The following MED24 variants were observed in gnomAD, a reference collection of about 807,000 sequenced individuals.
MED24 encodes mediator complex subunit 24, also known as mediator of RNA polymerase II transcription subunit 24.
MED24 carries 74 observed loss-of-function variants against 118.8 expected under a neutral mutation model. The ratio of observed to expected loss-of-function variants is 0.62; its 90% CI spans 0.52 to 0.76. The LOEUF is 0.76. Ranked by LOEUF, MED24 falls within the 30% of genes least tolerant of loss-of-function variation. MED24 has a pLI of 0.00. For missense variants in MED24, 1,041 were observed against 1,278.9 expected, an observed-to-expected ratio of 0.81 and a Z score of 2.84; for synonymous variants, 521 against 523.9, an observed-to-expected ratio of 0.99 and a Z score of 0.08.
At chr17:40,029,617 C>T (rs1337417246) in intron 13 of MED24, 131 bp downstream of exon 13, 9 of 835,260 alleles carry the variant, frequency 1.1e-5, no homozygotes, top group African/African-American at 3.4e-5. Context: ...CCTTTCACTA[C>T]CTCCAAAGCA....
At chr17:40,052,359 G>C (rs1985949249) in intron 3 of MED24, among the ~76,000 whole-genome samples, 1 of 152,174 alleles carries the variant, frequency 6.6e-6, no homozygotes, top group East Asian at 1.9e-4. Flanking sequence ...CTTATGAGTG[G>C]TATATCAGCA....
intron 3 of MED24, among the ~76,000 whole-genome samples, chr17:40,040,992 C>T (rs1212938992): frequency 6.6e-6 from 1 of 151,922 alleles, no homozygotes; most frequent in Non-Finnish European, 1.5e-5. Context: ...AAGTGATCCT[C>T]CTACCTCGGC....
At position 40,035,138 on chromosome 17, in the gene MED24, T is replaced by C. The variant is rs144621344; in HGVS notation, c.538A>G (p.Ile180Val). The change falls in exon 6 of 26, where the codon ATC becomes GTC. Residue 180 changes from isoleucine (I) to valine (V), a missense_variant. By Grantham distance (29) the Ile-to-Val change is conservative. Around this residue, in one of 3 missense-constraint regions of MED24, gnomAD observed 434 missense variants for 514.9 expected, o/e 0.84. Transcript: ENST00000394128. ...SSTKNRALLH[I>V]AKLEEASSWT... is the part of the protein sequence containing the mutation. ...ATACAGGCCTCCTCTAGTTTGGCGA[T>C]GTGCAGCAGGGCCCGGTTCTTGGTG... is the stretch of plus-strand genomic sequence containing the variant. The C allele has an allele frequency of 3.7e-5, 60 of 1,614,066 alleles. No individual in the cohort carries two copies. The highest frequency in any genetic ancestry group is 4.9e-5 in the Non-Finnish European group (58 of 1,179,994).
chr17:40,045,619 T>C (rs577623966), intron 3 of MED24, among the ~76,000 whole-genome samples: 1 of 152,256 alleles, frequency 6.6e-6, no homozygotes, highest in South Asian at 2.1e-4. Context: ...ACCGTGTCTC[T>C]ACACAAAATG....
chr17:40,031,798 G>A (rs1436546706), intron 10 of MED24, among the ~76,000 whole-genome samples, 178 bp from the exon 11 acceptor site: 2 of 152,026 alleles, frequency 1.3e-5, no homozygotes, highest in African/African-American at 2.4e-5. Flanking sequence ...TGAAGCACAC[G>A]TACACGCTGA....
chr17:40,044,620 G>A (rs1411418460), intron 3 of MED24, among the ~76,000 whole-genome samples: 5 of 152,074 alleles, frequency 3.3e-5, no homozygotes, highest in Non-Finnish European at 7.4e-5. Context: ...GGTGGCTCAC[G>A]CCTATAATCT....
rs1159186195 is a variant in MED24, at chr17:40,033,695, A to C, written c.560-239T>G. The C allele has an allele frequency of 1.5e-6, 1 of 648,698 alleles. No individual in the cohort carries two copies. The highest frequency in any genetic ancestry group is 2.1e-5 in the Admixed American group (1 of 48,102). 40.2% of individuals were successfully genotyped at this position (648,698 alleles called of 1,614,324 possible). On this transcript the variant is annotated intron_variant, in intron 6 of 25. Transcript: ENST00000394128. This position sits in a 1 kb window ranked among gnomAD's most constrained non-coding sequence, Gnocchi z 5.2. Reference sequence around the variant, plus strand: ...CCCAAAAGCCTGATTTCCAGGGGACACAGCCAGCTGACTTCAGAAGGTATG... The same window carrying C: ...CCCAAAAGCCTGATTTCCAGGGGACCCAGCCAGCTGACTTCAGAAGGTATG...
At chr17:40,025,416 C>G (rs1488287142) in intron 19 of MED24, among the ~76,000 whole-genome samples, 2 of 152,170 alleles carry the variant, frequency 1.3e-5, no homozygotes, top group Non-Finnish European at 2.9e-5. Flanking sequence ...TGCAGTGAGA[C>G]TCACTCTGAT....
chr17:40,045,715 G>A (rs955034082), intron 3 of MED24, among the ~76,000 whole-genome samples: 7 of 152,108 alleles, frequency 4.6e-5, no homozygotes, highest in African/African-American at 1.7e-4. Flanking sequence ...GGTCAAAGCT[G>A]CAGTGAGCCA....
In MED24 at chr17:40,043,890, C is replaced by CAAAA. The variant is rs35743512; in HGVS notation, c.214-7740_214-7737dup. ...TGGGCAGAAGAGCGAGACTCCATCT[C>CAAAA]AAAAAAAAAAAAAACAAAGATTTAA... On this transcript the variant is annotated intron_variant, in intron 3 of 25. Transcript: ENST00000394128. Among the ~76,000 whole-genome samples the CAAAA allele has an allele frequency of 9.2e-5, 9 of 97,462 alleles. 1 individual carries two copies. In the South Asian group the frequency reaches 2.5e-3, roughly 27 times the overall value. 63.9% of individuals were successfully genotyped at this position (97,462 alleles called of 152,430 possible). A position where few individuals can be genotyped will look rare whatever the true frequency, so the allele number is the denominator to read the frequency against.
chr17:40,028,019 T>C (rs1982906862), intron 14 of MED24, 73 bp from the exon 15 acceptor site: 2 of 1,461,530 alleles, frequency 1.4e-6, no homozygotes, highest in African/African-American at 1.4e-5. Context: ...GGGCTACACA[T>C]GTTCAGAGAG....
At chr17:40,037,204 G>GAA (rs1194901223) in intron 3 of MED24, among the ~76,000 whole-genome samples, 1 of 151,622 alleles carries the variant, frequency 6.6e-6, no homozygotes, top group African/African-American at 2.4e-5. Flanking sequence ...GAGGGAGAGA[G>GAA]AGAGAAAGAG....
chr17:40,053,311 G>C lies in MED24; in HGVS notation c.200C>G (p.Ala67Gly). ...NPLILSYLKY[A>G]ISSQMVSYSS... is the part of the protein sequence containing the mutation. ...CGGGAAGCTTACCTGGGAACTAATG[G>C]CATACTTCAGGTAGGACAAGATGAG... is the stretch of plus-strand genomic sequence containing the variant. The change falls in exon 3 of 26, where the codon GCC becomes GGC. Residue 67 changes from alanine to glycine, a missense_variant. Transcript: ENST00000394128. The C allele has an allele frequency of 1.2e-6, 2 of 1,608,792 alleles. No individual in the cohort carries two copies. Among genetic ancestry groups the C allele is most frequent in the Non-Finnish European group, 8.5e-7 (1 of 1,176,986 alleles).
At chr17:40,031,045 C>T in intron 12 of MED24, 114 bp downstream of exon 12, 1 of 987,986 alleles carries the variant, frequency 1.0e-6, no homozygotes, top group South Asian at 1.4e-5. Context: ...GGCACGGTCC[C>T]AGTCACTTGC....
chr17:40,039,962 C>G (rs745571783), intron 3 of MED24, among the ~76,000 whole-genome samples: 17 of 144,132 alleles, frequency 1.2e-4, no homozygotes, highest in Non-Finnish European at 2.3e-4. Context: ...TTTTTGTATT[C>G]TTAGTAGAAG....
chr17:40,053,217 G>A, intron 3 of MED24, 81 bp downstream of exon 3: 2 of 1,325,490 alleles, frequency 1.5e-6, no homozygotes, highest in East Asian at 4.7e-5. Context: ...TTACAGCCAT[G>A]AACCACCGGG....
At position 40,032,062 on chromosome 17, in the gene MED24, T is replaced by G. The variant is rs1192861678; in HGVS notation, c.965A>C (p.Lys322Thr). The G allele has an allele frequency of 6.2e-7, 1 of 1,613,874 alleles. No homozygotes were observed. Among genetic ancestry groups the G allele is most frequent in the Non-Finnish European group, 8.5e-7 (1 of 1,179,902 alleles). Residue 322 changes from lysine to threonine, a missense_variant, in exon 10 of 26, where the codon AAG (lysine) becomes ACG (threonine). This residue lies in a region of MED24 where 434 missense variants were observed against 514.9 expected (regional missense o/e 0.84). Coordinates refer to ENST00000394128, the MANE Select transcript of MED24 (RefSeq NM_014815.4). Reference protein sequence around the residue: ...KIPQVLVKLKKYSHGDKDFTE... With the variant: ...KIPQVLVKLKTYSHGDKDFTE... ...ACTCACCTTGTCTCCATGAGAGTAC[T>G]TCTTCAACTTCACCAAAACCTGTGG...
At chr17:40,049,550 T>C (rs961353815) in intron 3 of MED24, among the ~76,000 whole-genome samples, 1 of 152,082 alleles carries the variant, frequency 6.6e-6, no homozygotes, top group African/African-American at 2.4e-5. Context: ...CTTTTTGAGA[T>C]GGAGTCTCGC....
rs137866788 is a variant in MED24 at position 40,022,407 on chromosome 17, C to T, written c.2510G>A (p.Arg837His). 315 of 1,609,750 alleles carry T rather than the reference C, an allele frequency of 2.0e-4. No homozygotes were observed. The highest frequency in any genetic ancestry group is 2.4e-4 in the Non-Finnish European group (286 of 1,178,282). ...TGGGGGGCCTACCTCAATGTCTTCGCGGTGTCTCTTCTTCTGGCGGGTGGA... is the reference window on the plus strand; with the variant it reads ...TGGGGGGCCTACCTCAATGTCTTCGTGGTGTCTCTTCTTCTGGCGGGTGGA... ...QASTRQKKRH[R>H]EDIEDYISLF... is the part of the protein sequence containing the mutation. The change falls in exon 22 of 26, where the codon CGC becomes CAC. Residue 837 changes from arginine (R) to histidine (H), a missense_variant. This residue lies in a region of MED24 where 587 missense variants were observed against 694.4 expected (regional missense o/e 0.85). Transcript: ENST00000394128.
Sources: gnomAD v4.1 joint callset for allele counts (sites outside exome capture counted in the v4.1 genomes callset) on GRCh38, gnomAD v4.1.1 for gene constraint, gnomAD v4.1.1 regional missense constraint, Gnocchi (gnomAD v3.1) non-coding constraint, MANE v1.5 for transcripts, NCBI Gene and HGNC (gene_info 2026-07-23, HGNC 2026-07-21) for gene names.